Variants in HS3ST4 observed in about 807,000 individuals in gnomAD.
HS3ST4 encodes the protein heparan sulfate glucosamine 3-O-sulfotransferase 4.
Under a neutral mutation model 29.2 loss-of-function variants are expected in HS3ST4, and 17 were observed. The ratio of observed to expected loss-of-function variants is 0.58; its 90% confidence interval spans 0.40 to 0.87. The LOEUF is 0.87. Among genes scored for constraint, HS3ST4 ranks in the 40% least tolerant of loss-of-function variants. HS3ST4 has a pLI of 0.00. For synonymous variants in HS3ST4, 314 were observed against 285.7 expected, an observed-to-expected ratio of 1.10 and a Z score of -1.00; for missense variants, 627 against 634.5, an observed-to-expected ratio of 0.99 and a Z score of 0.13.
intron 1 of HS3ST4, among the ~76,000 whole-genome samples, chr16:25,999,963 G>C (rs1355926386): frequency 6.9e-6 from 1 of 145,626 alleles, no homozygotes; most frequent in African/African-American, 2.5e-5. Flanking sequence ...GGTCTGTACT[G>C]CAATGTATGA....
At chr16:25,836,536 A>G (rs1967357909) in intron 1 of HS3ST4, among the ~76,000 whole-genome samples, 1 of 152,226 alleles carries the variant, frequency 6.6e-6, no homozygotes, top group Non-Finnish European at 1.5e-5. Flanking sequence ...ATAAATAAAT[A>G]AAGTCTCCAC....
At chr16:25,774,048 G>A (rs1966845311) in intron 1 of HS3ST4, among the ~76,000 whole-genome samples, 1 of 152,162 alleles carries the variant, frequency 6.6e-6, no homozygotes, top group Admixed American at 6.5e-5. Flanking sequence ...TAGGAAGACA[G>A]CAGTCCCTCC....
chr16:25,818,492 C>A (rs1237111189), intron 1 of HS3ST4, among the ~76,000 whole-genome samples: 3 of 152,168 alleles, frequency 2.0e-5, no homozygotes, highest in African/African-American at 7.2e-5. Context: ...TTTTTTGTAG[C>A]AGCCCAAACA....
chr16:25,957,010 A>AAC (rs1327036300), intron 1 of HS3ST4, among the ~76,000 whole-genome samples: 1 of 151,536 alleles, frequency 6.6e-6, no homozygotes, highest in Non-Finnish European at 1.5e-5. Flanking sequence ...AAAAAAAAAA[A>AAC]AAAAAAAGCA....
At chr16:26,082,090 C>T (rs56336871) in intron 1 of HS3ST4, among the ~76,000 whole-genome samples, 4,910 of 152,206 alleles carry the variant, frequency 0.032, 253 homozygotes, top group African/African-American at 0.11. Flanking sequence ...CCACCGGACA[C>T]GGCCGGGAGT....
intron 1 of HS3ST4, among the ~76,000 whole-genome samples, chr16:25,737,490 A>G (rs1411071251): frequency 1.3e-5 from 2 of 152,210 alleles, no homozygotes; most frequent in Non-Finnish European, 2.9e-5. Flanking sequence ...CATCTCGTAA[A>G]CAGAAAGTCA....
At chr16:26,094,418 G>A (rs750719941) in intron 1 of HS3ST4, among the ~76,000 whole-genome samples, 87 of 152,178 alleles carry the variant, frequency 5.7e-4, no homozygotes, top group Non-Finnish European at 1.2e-3. Flanking sequence ...TGGATCTCTT[G>A]GCAGAAACCC....
At chr16:25,715,640 C>T (rs904955306) in intron 1 of HS3ST4, among the ~76,000 whole-genome samples, 24 of 152,188 alleles carry the variant, frequency 1.6e-4, no homozygotes, top group African/African-American at 3.6e-4. Flanking sequence ...GGGGATTCAC[C>T]GTGAGGCCAA....
intron 1 of HS3ST4, among the ~76,000 whole-genome samples, chr16:25,897,893 C>T (rs962475172): frequency 3.9e-5 from 6 of 152,148 alleles, no homozygotes; most frequent in African/African-American, 1.2e-4. Context: ...TGAGGACTCT[C>T]GCTATGTGTG....
At chr16:25,954,207 A>G (rs1218491822) in intron 1 of HS3ST4, among the ~76,000 whole-genome samples, 1 of 152,240 alleles carries the variant, frequency 6.6e-6, no homozygotes, top group Non-Finnish European at 1.5e-5. Flanking sequence ...TGTGTCAAAG[A>G]AAAAGAATTA....
intron 1 of HS3ST4, among the ~76,000 whole-genome samples, chr16:25,996,700 A>G (rs1287497355): frequency 6.6e-6 from 1 of 152,074 alleles, no homozygotes; most frequent in African/African-American, 2.4e-5. Flanking sequence ...AAGGCAAGTC[A>G]TTTTTCACTA....
At chr16:26,027,335 C>T (rs1184815365) in intron 1 of HS3ST4, among the ~76,000 whole-genome samples, 2 of 152,150 alleles carry the variant, frequency 1.3e-5, no homozygotes, top group Non-Finnish European at 2.9e-5. Flanking sequence ...GTAGTTGAAA[C>T]ATGACCCAGG....
At chr16:26,134,257 T>C (rs1898248479) in intron 1 of HS3ST4, among the ~76,000 whole-genome samples, 2 of 152,136 alleles carry the variant, frequency 1.3e-5, no homozygotes, top group African/African-American at 4.8e-5. Flanking sequence ...AAAGAAAGAA[T>C]AAAATCCCAT....
At chr16:25,709,319 G>A (rs778692209) in intron 1 of HS3ST4, among the ~76,000 whole-genome samples, 2 of 152,068 alleles carry the variant, frequency 1.3e-5, no homozygotes, top group Non-Finnish European at 1.5e-5. Flanking sequence ...CTTAGGGGTC[G>A]TGCACACATC....
chr16:26,026,830 A>G (rs1339750718), intron 1 of HS3ST4, among the ~76,000 whole-genome samples: 1 of 152,226 alleles, frequency 6.6e-6, no homozygotes, highest in Non-Finnish European at 1.5e-5. Context: ...AAGCTATCAA[A>G]GAAGAAAGAG....
chr16:25,955,995 T>C (rs1466579712), intron 1 of HS3ST4, among the ~76,000 whole-genome samples: 2 of 151,918 alleles, frequency 1.3e-5, no homozygotes, highest in African/African-American at 4.8e-5. Context: ...TTTTGTATTT[T>C]AGTTGAGATG....
intron 1 of HS3ST4, among the ~76,000 whole-genome samples, chr16:25,958,934 G>A (rs77456508): frequency 7.2e-5 from 11 of 152,284 alleles, no homozygotes; most frequent in East Asian, 1.9e-4. Context: ...AGAATGTCAC[G>A]TTCACCACAT....
chr16:26,064,494 T>C (rs1462725040), intron 1 of HS3ST4, among the ~76,000 whole-genome samples: 1 of 151,596 alleles, frequency 6.6e-6, no homozygotes, highest in Admixed American at 6.6e-5. Flanking sequence ...AAACACAGGG[T>C]ACATAGGACC....
chr16:25,715,487 C>T (rs77878055), intron 1 of HS3ST4, among the ~76,000 whole-genome samples: 2,176 of 152,228 alleles, frequency 0.014, 57 homozygotes, highest in African/African-American at 0.05. Flanking sequence ...GTGGTTATTG[C>T]TCTTGGATGC....
Sources: gnomAD v4.1 joint callset for allele counts (sites outside exome capture counted in the v4.1 genomes callset) on GRCh38, gnomAD v4.1.1 for gene constraint, MANE v1.5 for transcripts, NCBI Gene and HGNC (gene_info 2026-07-23, HGNC 2026-07-21) for gene names.